CNKSR2: variants seen among roughly 807,000 people sequenced by gnomAD.
The protein encoded by CNKSR2 is connector enhancer of kinase suppressor of Ras 2, also known as CNK homolog protein 2.
In CNKSR2, 14 loss-of-function variants were observed where a neutral mutation model predicts 84.4. The ratio of observed to expected loss-of-function variants is 0.17; its 90% CI spans 0.11 to 0.26. The LOEUF is 0.26. Ranked by LOEUF, CNKSR2 falls within the 10% of genes least tolerant of loss-of-function variation. CNKSR2 has a pLI of 1.00. For missense variants in CNKSR2, 485 were observed against 771.2 expected, an observed-to-expected ratio of 0.63 and a Z score of 4.40; for synonymous variants, 275 against 277.9, an observed-to-expected ratio of 0.99 and a Z score of 0.10.
chrX:21,532,195 C>T, intron 11 of CNKSR2, 128 bp downstream of exon 11: 3 of 396,686 alleles, frequency 7.6e-6, no homozygotes, highest in Non-Finnish European at 1.3e-5. Context: ...TGATCTGTCT[C>T]TCTCATGTGC....
At chrX:21,635,107 A>G (rs923592266) in intron 20 of CNKSR2, among the ~76,000 whole-genome samples, 1 of 108,797 alleles carries the variant, frequency 9.2e-6, no homozygotes, top group East Asian at 2.9e-4. Context: ...GAAGAATACA[A>G]CAGATAGTTC....
intron 11 of CNKSR2, among the ~76,000 whole-genome samples, chrX:21,549,178 G>A (rs1490328217): frequency 8.9e-5 from 10 of 112,239 alleles, no homozygotes; most frequent in Non-Finnish European, 1.7e-4. Flanking sequence ...AAACCCCATC[G>A]TCTCAGTCCA....
In CNKSR2 at chrX:21,576,010, C is replaced by T. The variant is rs750599876; in HGVS notation, c.1608+12558C>T. ...AATTAAGGTTGGGGTCTTCAACATC[C>T]ATCTCTCAATAATTCATAGACCCAC... On this transcript the variant is annotated intron_variant, in intron 13 of 21. Coordinates refer to ENST00000379510, the MANE Select transcript of CNKSR2 (RefSeq NM_014927.5). Among the ~76,000 whole-genome samples the T allele has an allele frequency of 5.5e-4, 61 of 111,777 alleles. No homozygotes were observed. The Middle Eastern group carries it at 0.023, about 42-fold the overall frequency.
Position 21,653,267 on chromosome X carries a change from G to A in CNKSR2, c.*746G>A, listed in dbSNP as rs1049971971. The A allele has an allele frequency of 9.0e-6, 1 of 110,770 alleles. No homozygotes were observed. The highest frequency in any genetic ancestry group is 3.3e-5 in the African/African-American group (1 of 30,515). The allele number at this position is 110,770 out of a possible 1,213,427, so 9.1% of individuals were successfully genotyped here. On this transcript the variant is annotated 3_prime_UTR_variant, in exon 22 of 22. Transcript: ENST00000379510. ...TTGGTTTAAATCTTCCTTTATTTTTGTAGTGATGAGATGCTGATTGTGTAC... is the reference window on the plus strand; with the variant it reads ...TTGGTTTAAATCTTCCTTTATTTTTATAGTGATGAGATGCTGATTGTGTAC...
intron 13 of CNKSR2, among the ~76,000 whole-genome samples, chrX:21,576,752 G>A (rs2092321574): frequency 9.0e-6 from 1 of 111,090 alleles, no homozygotes; most frequent in South Asian, 3.8e-4. Flanking sequence ...CAGATGAAAT[G>A]GACCAATTCC....
At chrX:21,578,062 A>G (rs770426140) in intron 13 of CNKSR2, among the ~76,000 whole-genome samples, 1 of 111,590 alleles carries the variant, frequency 9.0e-6, no homozygotes, top group South Asian at 3.7e-4. Flanking sequence ...ACCAAAGTGC[A>G]TAAGCTCAAC....
At chrX:21,518,764 TTTTA>T (rs1300701715) in intron 9 of CNKSR2, among the ~76,000 whole-genome samples, 1 of 112,049 alleles carries the variant, frequency 8.9e-6, no homozygotes, top group Non-Finnish European at 1.9e-5. Flanking sequence ...CACTAATTAT[TTTTA>T]TTTGTCATCG....
chrX:21,535,279 G>A (rs1164349642), intron 11 of CNKSR2, among the ~76,000 whole-genome samples: 1 of 111,616 alleles, frequency 9.0e-6, no homozygotes, highest in Non-Finnish European at 1.9e-5. Context: ...GGTTATTACA[G>A]CTTTGTAGTG....
At chrX:21,461,834 T>C (rs991266702) in intron 4 of CNKSR2, among the ~76,000 whole-genome samples, 2 of 111,843 alleles carry the variant, frequency 1.8e-5, no homozygotes, top group South Asian at 7.5e-4. Context: ...TTGTTGAAAA[T>C]GAGTTCACTG....
chrX:21,443,518 T>C (rs1220601313), intron 4 of CNKSR2, among the ~76,000 whole-genome samples: 2 of 111,842 alleles, frequency 1.8e-5, no homozygotes, highest in Non-Finnish European at 3.8e-5. Flanking sequence ...ATTAAAAATC[T>C]CTGCTTGCTT....
chrX:21,559,452 G>A (rs1245221552), intron 11 of CNKSR2, among the ~76,000 whole-genome samples: 2 of 111,001 alleles, frequency 1.8e-5, no homozygotes, highest in African/African-American at 6.5e-5. Context: ...CATAGTAGCT[G>A]TACATACTTG....
chrX:21,503,754 A>T (rs2091583051), intron 8 of CNKSR2: 1 of 111,979 alleles, frequency 8.9e-6, no homozygotes, highest in Admixed American at 9.6e-5. Flanking sequence ...CTGAACTGAA[A>T]TTAGAAATAG....
At chrX:21,405,019 AT>A (rs2090245077) in intron 1 of CNKSR2, among the ~76,000 whole-genome samples, 1 of 110,929 alleles carries the variant, frequency 9.0e-6, no homozygotes, top group Non-Finnish European at 1.9e-5. Flanking sequence ...ATATTTATCC[AT>A]TTTCTATTTC....
chrX:21,542,094 A>G (rs1447496050), intron 11 of CNKSR2, among the ~76,000 whole-genome samples: 4 of 112,303 alleles, frequency 3.6e-5, no homozygotes, highest in Non-Finnish European at 7.5e-5. Context: ...TTAGGAAAAG[A>G]CTGCTAAATT....
At chrX:21,626,244 T>TA (rs397895953) in intron 20 of CNKSR2, among the ~76,000 whole-genome samples, 3,486 of 40,694 alleles carry the variant, frequency 0.086, 141 homozygotes, top group Admixed American at 0.11. Context: ...TTCTAGGTGG[T>TA]AAAAAAAAAA....
chrX:21,629,402 ATTAG>A (rs2092638029), intron 20 of CNKSR2, among the ~76,000 whole-genome samples: 1 of 111,903 alleles, frequency 8.9e-6, no homozygotes, highest in African/African-American at 3.3e-5. Flanking sequence ...AGTTTACTGT[ATTAG>A]TTCATTTTCA....
chrX:21,457,457 TAAG>T (rs2091008421), intron 4 of CNKSR2, among the ~76,000 whole-genome samples: 1 of 111,852 alleles, frequency 8.9e-6, no homozygotes, highest in South Asian at 3.7e-4. Flanking sequence ...AATCTATTGG[TAAG>T]AAGTCAATAA....
intron 8 of CNKSR2, among the ~76,000 whole-genome samples, chrX:21,502,442 A>G (rs1172974374): frequency 1.8e-5 from 2 of 109,367 alleles, no homozygotes; most frequent in African/African-American, 6.6e-5. Context: ...ATTTGAAAAA[A>G]GGCAGAGTTT....
chrX:21,568,016 G>A (rs974277520), intron 13 of CNKSR2, among the ~76,000 whole-genome samples: 1 of 111,980 alleles, frequency 8.9e-6, no homozygotes, highest in Admixed American at 9.5e-5. Flanking sequence ...GGCCGAGCAC[G>A]GTGGCTCATG....
Sources: gnomAD v4.1 joint callset for allele counts (sites outside exome capture counted in the v4.1 genomes callset) on GRCh38, gnomAD v4.1.1 for gene constraint, MANE v1.5 for transcripts, NCBI Gene and HGNC (gene_info 2026-07-23, HGNC 2026-07-21) for gene names.